P2RY12: variants seen among roughly 807,000 people sequenced by gnomAD.
P2RY12 encodes the protein P2Y purinoceptor 12.
Under a neutral mutation model 4.5 loss-of-function variants are expected in P2RY12, and 3 were observed. The observed-to-expected ratio is 0.67, with a 90% CI of 0.31 to 1.74. The LOEUF (loss-of-function observed/expected upper bound fraction) is 1.74. Ranked by LOEUF, P2RY12 falls within the 40% of genes most tolerant of loss-of-function variation. P2RY12 has a pLI of 0.09. For missense variants in P2RY12, 356 were observed against 407.8 expected (o/e 0.87, Z 1.09); for synonymous variants, 148 against 154.1 (o/e 0.96, Z 0.29).
chr3:151,341,357 A>T (rs1429768677), intron 1 of P2RY12, among the ~76,000 whole-genome samples: 1 of 152,094 alleles, frequency 6.6e-6, no homozygotes, highest in African/African-American at 2.4e-5. Context: ...CTTATTATAT[A>T]CTGTGTCGTT....
chr3:151,358,383 G>A (rs1754195200), intron 1 of P2RY12, among the ~76,000 whole-genome samples: 2 of 152,062 alleles, frequency 1.3e-5, no homozygotes, highest in Admixed American at 1.3e-4. Flanking sequence ...ATTCAGGCCT[G>A]TTAAGTGTTT....
chr3:151,356,275 C>T (rs1340576790), intron 1 of P2RY12, among the ~76,000 whole-genome samples: 1 of 151,950 alleles, frequency 6.6e-6, no homozygotes, highest in Non-Finnish European at 1.5e-5. Context: ...GCCTGTAGTC[C>T]CAGCTACTTG....
At chr3:151,354,159 A>AAAAAAAAAAAAC (rs1560067178) in intron 1 of P2RY12, among the ~76,000 whole-genome samples, 1 of 150,686 alleles carries the variant, frequency 6.6e-6, no homozygotes, top group East Asian at 1.9e-4. Context: ...AAAAAAAAAA[A>AAAAAAAAAAAAC]AAAAAGAATC....
chr3:151,369,397 G>C (rs1560089237), intron 1 of P2RY12: 1 of 1,323,908 alleles, frequency 7.6e-7, no homozygotes, highest in African/African-American at 1.5e-5. Context: ...CATTACTAAT[G>C]ATGGTAATGA....
intron 1 of P2RY12, chr3:151,365,062 T>C (rs764182319): frequency 6.2e-7 from 1 of 1,614,138 alleles, no homozygotes; most frequent in Non-Finnish European, 8.5e-7. Context: ...CCAGACTTCA[T>C]GATGGATTTT....
intron 1 of P2RY12, among the ~76,000 whole-genome samples, chr3:151,358,591 ATTG>A (rs142326609): frequency 0.11 from 16,877 of 152,050 alleles, 1,230 homozygotes; most frequent in Middle Eastern, 0.17. Context: ...TGTTTTTAAT[ATTG>A]TTATTTTGAA....
rs16863331 is a variant in P2RY12 at position 151,349,888 on chromosome 3, A to G, written c.-179-9128T>C. Among the ~76,000 whole-genome samples, 3,212 of 151,264 alleles carry G rather than the reference A, an allele frequency of 0.021. 111 individuals are homozygous for G. Among genetic ancestry groups the G allele is most frequent in the African/African-American group, 0.076 (3,104 of 41,026 alleles). On this transcript the variant is annotated intron_variant, in intron 1 of 2. Transcript: ENST00000302632. ...TTTTTTATAATGTTAGCAAGTTCCA[A>G]ACTGGAAAAACAAGGGTGTTGCCAG...
At chr3:151,376,950 G>C in intron 1 of P2RY12, 3 of 1,610,108 alleles carry the variant, frequency 1.9e-6, no homozygotes, top group South Asian at 2.2e-5. Flanking sequence ...TGAGGATAAA[G>C]GAATACACAT....
At chr3:151,361,324 A>G (rs931429795) in intron 1 of P2RY12, among the ~76,000 whole-genome samples, 6 of 152,144 alleles carry the variant, frequency 3.9e-5, no homozygotes, top group African/African-American at 1.4e-4. Context: ...CCCTCACTGA[A>G]TAACATTAAA....
At position 151,368,654 on chromosome 3, in the gene P2RY12, C is replaced by T. The variant is rs1458674320; in HGVS notation, c.-180+16038G>A. Among the ~76,000 whole-genome samples, 129 of 59,878 alleles carry T rather than the reference C, an allele frequency of 2.2e-3. 1 individual carries two copies. Among genetic ancestry groups the T allele is most frequent in the African/African-American group, 9.3e-3 (125 of 13,434 alleles). 39.3% of individuals were successfully genotyped at this position (59,878 alleles called of 152,430 possible). A position where few individuals can be genotyped will look rare whatever the true frequency, so the allele number is the denominator to read the frequency against. Reference sequence around the variant, plus strand: ...TATTTCATTTCATTTCATTTCATTTCATTTCATTTCATTTCATTTCATGTC... The same window carrying T: ...TATTTCATTTCATTTCATTTCATTTTATTTCATTTCATTTCATTTCATGTC... On this transcript the variant is annotated intron_variant, in intron 1 of 2. Coordinates refer to ENST00000302632, the MANE Select transcript of P2RY12 (RefSeq NM_022788.5).
At chr3:151,357,796 G>A (rs542294352) in intron 1 of P2RY12, among the ~76,000 whole-genome samples, 1 of 152,208 alleles carries the variant, frequency 6.6e-6, no homozygotes, top group African/African-American at 2.4e-5. Flanking sequence ...TTCTTCAATT[G>A]CATTTCTTTG....
intron 1 of P2RY12, chr3:151,372,466 T>G (rs563961102): frequency 1.2e-6 from 1 of 805,492 alleles, no homozygotes; most frequent in South Asian, 1.6e-5. Flanking sequence ...ATAATACTGT[T>G]CATATATTTT....
chr3:151,373,089 C>T (rs1325571025), intron 1 of P2RY12, among the ~76,000 whole-genome samples: 2 of 152,098 alleles, frequency 1.3e-5, no homozygotes, highest in Non-Finnish European at 2.9e-5. Flanking sequence ...TGCATTATTT[C>T]ATAACATAAC....
intron 1 of P2RY12, among the ~76,000 whole-genome samples, chr3:151,378,442 A>G (rs1167611421): frequency 6.6e-6 from 1 of 151,994 alleles, no homozygotes; most frequent in Non-Finnish European, 1.5e-5. Flanking sequence ...CTTTAGACCA[A>G]CTGAATCAGA....
In P2RY12 at chr3:151,337,789, G is replaced by T; in HGVS notation, c.*28C>A. On this transcript the variant is annotated 3_prime_UTR_variant, in exon 3 of 3. Coordinates refer to ENST00000302632, the MANE Select transcript of P2RY12 (RefSeq NM_022788.5). Reference sequence around the variant, plus strand: ...CTTTAACGAGTTCTGAACACAAAGAGATTGAAATATTTCCTTAGTTAATTT... The same window carrying T: ...CTTTAACGAGTTCTGAACACAAAGATATTGAAATATTTCCTTAGTTAATTT... The T allele has an allele frequency of 6.2e-7, 1 of 1,607,088 alleles. No individual in the cohort carries two copies. The highest frequency in any genetic ancestry group is 8.5e-7 in the Non-Finnish European group (1 of 1,174,176).
chr3:151,366,165 A>G lies in P2RY12; in HGVS notation c.-180+18527T>C, dbSNP rs186265641. Reference sequence around the variant, plus strand: ...AATGACATTGCCAGGGATTAAATACATGAAAAAAAATAGAAATAAATAGAA... The same window carrying G: ...AATGACATTGCCAGGGATTAAATACGTGAAAAAAAATAGAAATAAATAGAA... On this transcript the variant is annotated intron_variant, in intron 1 of 2. Transcript: ENST00000302632. Among the ~76,000 whole-genome samples, 116 of 152,282 alleles carry G rather than the reference A, an allele frequency of 7.6e-4. 1 individual carries two copies. Among genetic ancestry groups the G allele is most frequent in the African/African-American group, 2.5e-3 (103 of 41,542 alleles).
chr3:151,340,989 T>G (rs1001088514), intron 1 of P2RY12: 7 of 152,216 alleles, frequency 4.6e-5, no homozygotes, highest in African/African-American at 1.2e-4. Context: ...TGATGATTTA[T>G]AACTTCGAGT....
At chr3:151,377,472 T>C (rs769389781) in intron 1 of P2RY12, among the ~76,000 whole-genome samples, 3 of 152,196 alleles carry the variant, frequency 2.0e-5, no homozygotes, top group Non-Finnish European at 4.4e-5. Flanking sequence ...TGGGAAACGC[T>C]TTTTCCACCA....
intron 1 of P2RY12, among the ~76,000 whole-genome samples, chr3:151,350,917 GGTTT>G (rs1211608165): frequency 6.6e-6 from 1 of 151,970 alleles, no homozygotes; most frequent in Non-Finnish European, 1.5e-5. Flanking sequence ...TTCTTTTCAA[GGTTT>G]GTTTATTTCA....
Sources: allele counts gnomAD v4.1 joint callset (sites outside exome capture counted in the v4.1 genomes callset), GRCh38; gene constraint gnomAD v4.1.1; transcripts MANE v1.5; gene names NCBI Gene and HGNC (gene_info 2026-07-23, HGNC 2026-07-21).